Variants in KLHL24 observed in about 807,000 individuals in gnomAD.
The protein encoded by KLHL24 is kelch-like protein 24.
In KLHL24, 29 loss-of-function variants were observed where a neutral mutation model predicts 53.4. That is an observed-to-expected ratio of 0.54 (90% CI 0.40 to 0.74). The LOEUF (loss-of-function observed/expected upper bound fraction) is 0.74. Ranked by LOEUF, KLHL24 falls within the 30% of genes least tolerant of loss-of-function variation. KLHL24 has a pLI of 0.00. For synonymous variants in KLHL24, 222 were observed against 253.7 expected (o/e 0.88, Z 1.19); for missense variants, 504 against 744.0 (o/e 0.68, Z 3.75).
In KLHL24 at chr3:183,682,754, A is replaced by G. The variant is rs948279184; in HGVS notation, c.*3468A>G. On this transcript the variant is annotated 3_prime_UTR_variant, in exon 8 of 8. Coordinates refer to ENST00000242810, the MANE Select transcript of KLHL24 (RefSeq NM_017644.3). ...GGAAAGACAAAGGTTCAATTACACC[A>G]CTTTTGTCAATAAGCAAACCAGGTA... 6.6e-6 allele frequency: 1 copy of G among 152,452 alleles called. No individual in the cohort carries two copies. The highest frequency in any genetic ancestry group is 2.4e-5 in the African/African-American group (1 of 41,402). 9.4% of individuals were successfully genotyped at this position (152,452 alleles called of 1,614,324 possible).
rs554169892 is a variant in KLHL24, at chr3:183,658,085, C to T, written c.921-5373C>T. On this transcript the variant is annotated intron_variant, in intron 3 of 7. Transcript: ENST00000242810. The stretch of plus-strand genomic sequence containing the variant: ...AAAATTAGCTGGGTGTGGTGGTGGA[C>T]ACCTGTAATCACAGCTACTTGGGAG... Among the ~76,000 whole-genome samples the T allele has an allele frequency of 5.9e-5, 9 of 151,880 alleles. 1 individual carries two copies. Among genetic ancestry groups the T allele is most frequent in the Non-Finnish European group, 1.3e-4 (9 of 67,990 alleles).
At chr3:183,675,467 C>T (rs1308235088) in intron 7 of KLHL24, among the ~76,000 whole-genome samples, 1 of 152,156 alleles carries the variant, frequency 6.6e-6, no homozygotes, top group Non-Finnish European at 1.5e-5. Context: ...GCTCAGGGAC[C>T]TCCCCTGGAA....
chr3:183,677,124 A>G (rs551084891), intron 7 of KLHL24, among the ~76,000 whole-genome samples: 1 of 152,104 alleles, frequency 6.6e-6, no homozygotes, highest in Non-Finnish European at 1.5e-5. Flanking sequence ...TAATTTCCTG[A>G]TATGAATACT....
chr3:183,683,734 G>A lies in KLHL24; in HGVS notation c.*4448G>A, dbSNP rs1435772548. 1 of 152,476 alleles carries A rather than the reference G, an allele frequency of 6.6e-6. No homozygotes were observed. The highest frequency in any genetic ancestry group is 1.9e-4 in the East Asian group (1 of 5,196). The allele number at this position is 152,476 out of a possible 1,614,324, so 9.4% of individuals were successfully genotyped here. A position where few individuals can be genotyped will look rare whatever the true frequency, so the allele number is the denominator to read the frequency against. ...CCAAAGAAAAGAATTTGTTTTAATG[G>A]TTTCAAAATAACTGCACCTGAATTT... is the stretch of plus-strand genomic sequence containing the variant. On this transcript the variant is annotated 3_prime_UTR_variant, in exon 8 of 8. Coordinates refer to ENST00000242810, the MANE Select transcript of KLHL24 (RefSeq NM_017644.3).
chr3:183,672,439 A>G lies in KLHL24; in HGVS notation c.1557A>G (p.Pro519=). The change falls in exon 7 of 8, where the codon CCA becomes CCG. Residue 519 remains proline (P), a synonymous_variant. Coordinates refer to ENST00000242810, the MANE Select transcript of KLHL24 (RefSeq NM_017644.3). ...CCAAGGCAATATACTGTTACGATCC[A>G]GTTGAAGATTACTGGATGCACGTAC... ...GLTKAIYCYD[P]VEDYWMHVQN... is the part of the protein sequence containing the mutation. 1 of 1,613,060 alleles carries G rather than the reference A, an allele frequency of 6.2e-7. No individual in the cohort carries two copies. Among genetic ancestry groups the G allele is most frequent in the Non-Finnish European group, 8.5e-7 (1 of 1,179,456 alleles).
At chr3:183,666,356 G>A (rs1472826879) in intron 5 of KLHL24, among the ~76,000 whole-genome samples, 1 of 151,996 alleles carries the variant, frequency 6.6e-6, no homozygotes, top group African/African-American at 2.4e-5. Context: ...TGACCTCCTG[G>A]ACCCAAACTA....
chr3:183,649,064 A>T (rs1428212490), intron 2 of KLHL24, among the ~76,000 whole-genome samples: 5 of 152,024 alleles, frequency 3.3e-5, no homozygotes, highest in Non-Finnish European at 7.4e-5. Context: ...TCAATCCATC[A>T]GTTACTTACT....
intron 2 of KLHL24, among the ~76,000 whole-genome samples, chr3:183,648,133 T>C (rs1437952826): frequency 6.6e-6 from 1 of 152,176 alleles, no homozygotes; most frequent in Non-Finnish European, 1.5e-5. Context: ...ATGATGATGG[T>C]AAAAGCTGCA....
chr3:183,649,613 A>G (rs1717844434), intron 2 of KLHL24, among the ~76,000 whole-genome samples: 2 of 152,024 alleles, frequency 1.3e-5, no homozygotes, highest in South Asian at 2.1e-4. Context: ...TAGGAATTCT[A>G]TATTAAGATA....
intron 3 of KLHL24, among the ~76,000 whole-genome samples, chr3:183,661,064 C>CAAAAA (rs755600519): frequency 0.016 from 436 of 27,864 alleles, 62 homozygotes; most frequent in African/African-American, 0.082. Context: ...GACTCCGTCT[C>CAAAAA]AAAAAAAAAA....
intron 5 of KLHL24, among the ~76,000 whole-genome samples, chr3:183,666,952 C>T (rs916985666): frequency 6.6e-6 from 1 of 152,070 alleles, no homozygotes; most frequent in African/African-American, 2.4e-5. Context: ...GACTGATCTC[C>T]TAGCACCCCT....
chr3:183,677,804 T>G (rs1185653106), intron 7 of KLHL24, among the ~76,000 whole-genome samples: 5 of 151,910 alleles, frequency 3.3e-5, no homozygotes, highest in South Asian at 2.1e-4. Context: ...TTGTTTATTT[T>G]TTTTGAGACG....
chr3:183,648,349 G>A (rs547298977), intron 2 of KLHL24, among the ~76,000 whole-genome samples: 12 of 152,302 alleles, frequency 7.9e-5, no homozygotes, highest in Admixed American at 4.6e-4. Context: ...CACTTAAAAA[G>A]TGGGGTACAA....
intron 1 of KLHL24, among the ~76,000 whole-genome samples, chr3:183,637,697 A>T (rs1715558784): frequency 1.3e-5 from 2 of 152,082 alleles, no homozygotes; most frequent in Admixed American, 1.3e-4. Flanking sequence ...GCTGGAGTGG[A>T]GTGGTCTCAC....
chr3:183,642,303 C>T (rs1716561611), intron 1 of KLHL24, among the ~76,000 whole-genome samples: 2 of 152,042 alleles, frequency 1.3e-5, no homozygotes, highest in Non-Finnish European at 2.9e-5. Context: ...ACCAAGGGTA[C>T]ATACAAGTCA....
chr3:183,673,840 C>A (rs1022413698), intron 7 of KLHL24, among the ~76,000 whole-genome samples: 3 of 152,190 alleles, frequency 2.0e-5, no homozygotes, highest in African/African-American at 4.8e-5. Flanking sequence ...TATACTCTTT[C>A]CTGAATCATC....
chr3:183,672,571 T>A, intron 7 of KLHL24, 87 bp downstream of exon 7: 1 of 1,018,234 alleles, frequency 9.8e-7, no homozygotes. Context: ...ATTTCAATTT[T>A]AAAATATTTC....
chr3:183,652,796 C>T (rs537973213), intron 3 of KLHL24, among the ~76,000 whole-genome samples: 6 of 152,322 alleles, frequency 3.9e-5, no homozygotes, highest in Non-Finnish European at 7.3e-5. Flanking sequence ...CATGAACACA[C>T]AGTATCCCTC....
At chr3:183,639,354 G>A (rs1715917170) in intron 1 of KLHL24, among the ~76,000 whole-genome samples, 1 of 152,098 alleles carries the variant, frequency 6.6e-6, no homozygotes, top group South Asian at 2.1e-4. Context: ...TTTGTGGCCG[G>A]GCGCGGTGGC....
Sources: allele counts gnomAD v4.1 joint callset (sites outside exome capture counted in the v4.1 genomes callset), GRCh38; gene constraint gnomAD v4.1.1; transcripts MANE v1.5; gene names NCBI Gene and HGNC (gene_info 2026-07-23, HGNC 2026-07-21).